ZNF33B: variants seen among roughly 807,000 people sequenced by gnomAD.
ZNF33B encodes zinc finger protein 11b (KOX 2).
In ZNF33B, 29 loss-of-function variants were observed where a neutral mutation model predicts 45.8. The observed-to-expected ratio is 0.63, with a 90% CI of 0.47 to 0.86. The LOEUF (loss-of-function observed/expected upper bound fraction) is 0.86, where lower values mean the gene tolerates loss of function less well. Among genes scored for constraint, ZNF33B ranks in the 40% least tolerant of loss-of-function variants. ZNF33B has a pLI of 0.00. For synonymous variants in ZNF33B, 305 were observed against 307.8 expected (o/e 0.99, Z 0.10); for missense variants, 831 against 909.9 (o/e 0.91, Z 1.12).
Position 42,590,382 on chromosome 10 carries a change from TTTA to T in ZNF33B, c.*2228_*2230del, listed in dbSNP as rs749105955. 2.6e-5 allele frequency: 4 copies of T among 152,022 alleles called. No homozygotes were observed. Among genetic ancestry groups the T allele is most frequent in the Admixed American group, 6.6e-5 (1 of 15,256 alleles). 9.4% of individuals were successfully genotyped at this position (152,022 alleles called of 1,614,324 possible). On this transcript the variant is annotated 3_prime_UTR_variant, in exon 5 of 5. Transcript: ENST00000359467. ...GGTCCCGGCACTTTTTTTGGAAGGTTTTATTATTATTAATTTTATTGAGATGGA... is the reference window on the plus strand; with the variant it reads ...GGTCCCGGCACTTTTTTTGGAAGGTTTTATTATTAATTTTATTGAGATGGA...
At chr10:42,580,755 C>G (rs1836811389) in intron 1 of ZNF33B, among the ~76,000 whole-genome samples, 1 of 151,330 alleles carries the variant, frequency 6.6e-6, no homozygotes, top group Non-Finnish European at 1.5e-5. Context: ...CCCGTCTCTA[C>G]TAAAAACACA....
chr10:42,597,290 T>C (rs1300064333), intron 4 of ZNF33B, among the ~76,000 whole-genome samples: 2 of 152,116 alleles, frequency 1.3e-5, no homozygotes, highest in East Asian at 1.9e-4. Flanking sequence ...AAAAGAAGTA[T>C]AGTAAAAAGT....
rs1837174941 is a variant in ZNF33B, at chr10:42,592,571, T to C, written c.*42A>G. 1 of 1,586,872 alleles carries C rather than the reference T, an allele frequency of 6.3e-7. No homozygotes were observed. The highest frequency in any genetic ancestry group is 1.2e-5 in the South Asian group (1 of 85,096). On this transcript the variant is annotated 3_prime_UTR_variant, in exon 5 of 5. Transcript: ENST00000359467. ...TCCACAGTGTGAAGACTCTGAGGCA[T>C]TATGGAGGCTGACTTGTGGCTGGAA...
chr10:42,634,148 T>C (rs553109694), intron 2 of ZNF33B, among the ~76,000 whole-genome samples: 2 of 152,214 alleles, frequency 1.3e-5, no homozygotes, highest in South Asian at 4.1e-4. Flanking sequence ...CTCACATCTG[T>C]AATCCTAGTA....
intron 4 of ZNF33B, among the ~76,000 whole-genome samples, chr10:42,598,778 ATATACC>A (rs1232055804): frequency 1.3e-5 from 2 of 152,210 alleles, no homozygotes; most frequent in Non-Finnish European, 2.9e-5. Flanking sequence ...TAACCTTGTT[ATATACC>A]ACTGGTTTCT....
intron 4 of ZNF33B, among the ~76,000 whole-genome samples, chr10:42,594,921 A>G (rs773673272): frequency 8.5e-5 from 13 of 152,200 alleles, no homozygotes; most frequent in Admixed American, 6.5e-5. Context: ...GTGGAAAAAC[A>G]GAGAGGAAAT....
intron 3 of ZNF33B, 78 bp from the exon 4 acceptor site, chr10:42,632,102 G>A (rs1378967296): frequency 6.5e-7 from 1 of 1,526,886 alleles, no homozygotes; most frequent in East Asian, 2.3e-5. Context: ...AAGCTTCTGG[G>A]GCTGCTTCAA....
chr10:42,632,748 T>C (rs1839117835), intron 2 of ZNF33B, among the ~76,000 whole-genome samples: 2 of 152,154 alleles, frequency 1.3e-5, no homozygotes, highest in Non-Finnish European at 2.9e-5. Context: ...AAGGTGAAAG[T>C]ACAAACCCAA....
intron 4 of ZNF33B, among the ~76,000 whole-genome samples, chr10:42,597,147 G>A (rs199569309): frequency 2.6e-5 from 4 of 151,954 alleles, no homozygotes; most frequent in South Asian, 4.2e-4. Context: ...ATGCTTTCTC[G>A]CATATGTTGA....
chr10:42,637,576 C>T (rs1412136525), intron 1 of ZNF33B, among the ~76,000 whole-genome samples: 1 of 152,158 alleles, frequency 6.6e-6, no homozygotes, highest in Non-Finnish European at 1.5e-5. Flanking sequence ...TGATCCTGAA[C>T]AAGTCAGTAA....
At chr10:42,574,973 G>A (rs1337592079) in intron 1 of ZNF33B, among the ~76,000 whole-genome samples, 1 of 152,132 alleles carries the variant, frequency 6.6e-6, no homozygotes, top group Non-Finnish European at 1.5e-5. Context: ...CTGTCAGTTG[G>A]TAAGAGATGC....
At chr10:42,602,168 C>A (rs1387526511) in intron 4 of ZNF33B, among the ~76,000 whole-genome samples, 2 of 152,078 alleles carry the variant, frequency 1.3e-5, no homozygotes, top group Non-Finnish European at 2.9e-5. Context: ...CTCAGGAGAT[C>A]CACCTGCCTT....
Position 42,592,663 on chromosome 10 carries a change from T to C in ZNF33B, c.2287A>G (p.Asn763Asp), listed in dbSNP as rs975880743. 4.3e-6 allele frequency: 7 copies of C among 1,613,984 alleles called. No homozygotes were observed. The highest frequency in any genetic ancestry group is 1.1e-5 in the South Asian group (1 of 91,082). Residue 763 changes from asparagine (N) to aspartate (D), a missense_variant, in exon 5 of 5, where the codon AAT (asparagine) becomes GAT (aspartate). Asn to Asp is a conservative substitution (Grantham distance 23, BLOSUM62 1). Coordinates refer to ENST00000359467, the MANE Select transcript of ZNF33B (RefSeq NM_006955.3). ...TCRKTFSQKSNLIVHQRTHIG... is the reference protein window; with the variant it reads ...TCRKTFSQKSDLIVHQRTHIG... ...TGTGTTCTCTGATGTACAATGAGATTTGACTTTTGAGAGAAGGTTTTCCTG... is the reference window on the plus strand; with the variant it reads ...TGTGTTCTCTGATGTACAATGAGATCTGACTTTTGAGAGAAGGTTTTCCTG...
At chr10:42,636,806 C>T (rs572629748) in intron 2 of ZNF33B, 114 bp downstream of exon 2, 24 of 1,452,854 alleles carry the variant, frequency 1.7e-5, no homozygotes, top group Admixed American at 7.0e-5. Context: ...CCAGCCTGGG[C>T]GACAGAGCGA....
chr10:42,627,756 A>G (rs2132149257), intron 4 of ZNF33B, among the ~76,000 whole-genome samples: 1 of 152,250 alleles, frequency 6.6e-6, no homozygotes, highest in South Asian at 2.1e-4. Context: ...TTCTACTATT[A>G]AATTTGAGGC....
chr10:42,597,422 T>G (rs1837444585), intron 4 of ZNF33B, among the ~76,000 whole-genome samples: 1 of 152,136 alleles, frequency 6.6e-6, no homozygotes, highest in African/African-American at 2.4e-5. Flanking sequence ...TGTAATAAAC[T>G]TTAAATAATA....
At chr10:42,587,713 G>T (rs114208502), downstream of ZNF33B, among the ~76,000 whole-genome samples, 2,548 of 152,298 alleles carry the variant, frequency 0.017, 75 homozygotes, top group African/African-American at 0.058. Context: ...AAGTATCAGT[G>T]CCAGGCCATG....
At chr10:42,612,801 C>A (rs974506831) in intron 4 of ZNF33B, among the ~76,000 whole-genome samples, 1 of 152,170 alleles carries the variant, frequency 6.6e-6, no homozygotes, top group African/African-American at 2.4e-5. Flanking sequence ...AAATATTGCA[C>A]AGAAATCACC....
intron 1 of ZNF33B, among the ~76,000 whole-genome samples, chr10:42,637,176 T>C (rs961110191): frequency 1.3e-5 from 2 of 152,214 alleles, no homozygotes; most frequent in African/African-American, 4.8e-5. Context: ...CATGTAGCTC[T>C]TGGGCACAAG....
Sources: allele counts gnomAD v4.1 joint callset (sites outside exome capture counted in the v4.1 genomes callset), GRCh38; gene constraint gnomAD v4.1.1; transcripts MANE v1.5; gene names NCBI Gene and HGNC (gene_info 2026-07-23, HGNC 2026-07-21).